Variants in XKR6 observed in about 807,000 individuals in gnomAD.
The protein encoded by XKR6 is XK related 6, also known as XK-related protein 6.
In XKR6, 22 loss-of-function variants were observed where a neutral mutation model predicts 56.7. The ratio of observed to expected loss-of-function variants is 0.39; its 90% CI spans 0.28 to 0.55. The LOEUF (loss-of-function observed/expected upper bound fraction) is 0.55. Among genes scored for constraint, XKR6 ranks in the 20% least tolerant of loss-of-function variants. XKR6 has a pLI of 0.66. For synonymous variants in XKR6, 524 were observed against 387.8 expected (o/e 1.35, Z -4.13); for missense variants, 852 against 889.0 (o/e 0.96, Z 0.53).
chr8:11,074,077 G>A (rs1333417681), intron 1 of XKR6, among the ~76,000 whole-genome samples: 3 of 152,262 alleles, frequency 2.0e-5, no homozygotes, highest in Non-Finnish European at 2.9e-5. Flanking sequence ...ACTTTCAGTT[G>A]CTGAAGGCTT....
intron 1 of XKR6, among the ~76,000 whole-genome samples, chr8:11,121,040 G>A (rs140019698): frequency 6.6e-6 from 1 of 152,138 alleles, no homozygotes; most frequent in Non-Finnish European, 1.5e-5. Context: ...ATTAATTCAA[G>A]ATGGATTAAA....
At chr8:11,150,467 G>A (rs570687497) in intron 1 of XKR6, among the ~76,000 whole-genome samples, 57 of 152,174 alleles carry the variant, frequency 3.7e-4, no homozygotes, top group South Asian at 1.2e-3. Flanking sequence ...CCTTCCCCCC[G>A]GGGTTCTGGA....
At chr8:11,166,696 C>T (rs1200795698) in intron 1 of XKR6, among the ~76,000 whole-genome samples, 1 of 152,066 alleles carries the variant, frequency 6.6e-6, no homozygotes, top group Non-Finnish European at 1.5e-5. Flanking sequence ...CCTCAGCCTC[C>T]CAAGTAGCTG....
chr8:11,100,633 C>A lies in XKR6; in HGVS notation c.764+99943G>T, dbSNP rs187547510. Among the ~76,000 whole-genome samples, 4 of 152,286 alleles carry A rather than the reference C, an allele frequency of 2.6e-5. No individual in the cohort carries two copies. In the East Asian group the frequency reaches 7.7e-4, roughly 29 times the overall value. Reference sequence around the variant, plus strand: ...AACTAAGACAGCATTCACACTTAACCCTTGTAGCAACTTCCTACACTGAGA... The same window carrying A: ...AACTAAGACAGCATTCACACTTAACACTTGTAGCAACTTCCTACACTGAGA... On this transcript the variant is annotated intron_variant, in intron 1 of 2. Transcript: ENST00000416569.
At position 11,149,705 on chromosome 8, in the gene XKR6, A is replaced by G. The variant is rs532877180; in HGVS notation, c.764+50871T>C. 4.6e-5 allele frequency among the ~76,000 whole-genome samples: 7 copies of G among 152,306 alleles called. No homozygotes were observed. The South Asian group carries it at 1.5e-3, about 32-fold the overall frequency. On this transcript the variant is annotated intron_variant, in intron 1 of 2. Transcript: ENST00000416569. ...GTATGAAGATTTCTCACAAAACCAAAAACAGAACCACTATATATGATCCAG... is the reference window on the plus strand; with the variant it reads ...GTATGAAGATTTCTCACAAAACCAAGAACAGAACCACTATATATGATCCAG...
intron 1 of XKR6, among the ~76,000 whole-genome samples, chr8:11,079,511 G>A (rs950911977): frequency 4.6e-5 from 7 of 152,154 alleles, no homozygotes; most frequent in African/African-American, 1.7e-4. Flanking sequence ...AAGATCATTT[G>A]GAAGTCTACA....
At chr8:11,122,974 C>T (rs778335205) in intron 1 of XKR6, among the ~76,000 whole-genome samples, 23 of 151,970 alleles carry the variant, frequency 1.5e-4, no homozygotes, top group East Asian at 5.8e-4. Context: ...CAGTGGCTCA[C>T]GCCTGTAATC....
intron 1 of XKR6, among the ~76,000 whole-genome samples, chr8:10,954,191 T>A (rs1223898591): frequency 6.6e-6 from 1 of 152,246 alleles, no homozygotes; most frequent in East Asian, 1.9e-4. Context: ...GTAGTGGAAC[T>A]GCTGGGTCAC....
intron 1 of XKR6, among the ~76,000 whole-genome samples, chr8:11,023,162 A>C (rs529612094): frequency 2.6e-5 from 4 of 152,314 alleles, no homozygotes; most frequent in African/African-American, 9.6e-5. Flanking sequence ...GGCAGGTGGA[A>C]AGCTGGGGAG....
chr8:10,993,246 T>C (rs1359964657), intron 1 of XKR6, among the ~76,000 whole-genome samples: 4 of 152,210 alleles, frequency 2.6e-5, no homozygotes, highest in Admixed American at 1.3e-4. Context: ...CAAGTCACAT[T>C]GAATGCCTCT....
intron 1 of XKR6, among the ~76,000 whole-genome samples, chr8:11,014,785 A>C (rs954006914): frequency 6.6e-5 from 10 of 152,088 alleles, no homozygotes; most frequent in Non-Finnish European, 1.5e-4. Context: ...CCCAAACCTC[A>C]GCATCCCGCA....
intron 1 of XKR6, among the ~76,000 whole-genome samples, chr8:11,023,831 A>G (rs1798799809): frequency 6.6e-6 from 1 of 152,150 alleles, no homozygotes; most frequent in Non-Finnish European, 1.5e-5. Context: ...GTGCCTCTCT[A>G]TGCCTGTCTT....
intron 1 of XKR6, among the ~76,000 whole-genome samples, chr8:11,061,833 G>C (rs1178473205): frequency 6.6e-6 from 1 of 152,216 alleles, no homozygotes; most frequent in Non-Finnish European, 1.5e-5. Flanking sequence ...CATCGGTGAT[G>C]GGGCGAGGAC....
In XKR6 at chr8:10,897,906, C is replaced by T. The variant is rs748797269; in HGVS notation, c.*46G>A. 1.6e-5 allele frequency: 25 copies of T among 1,517,960 alleles called. No homozygotes were observed. The highest frequency in any genetic ancestry group is 2.7e-5 in the South Asian group (2 of 74,838). The allele number at this position is 1,517,960 out of a possible 1,614,324, so 94.0% of individuals were successfully genotyped here. On this transcript the variant is annotated 3_prime_UTR_variant, in exon 3 of 3. Transcript: ENST00000416569. ...TATATTTCTTGCAAGTGCTGTTTGC[C>T]GCAAACCAAACTTAAGGTCCCCTTC...
intron 1 of XKR6, among the ~76,000 whole-genome samples, chr8:10,939,003 G>A (rs897831618): frequency 2.6e-5 from 4 of 152,154 alleles, no homozygotes; most frequent in Admixed American, 6.5e-5. Context: ...CAGTGGGGCC[G>A]CAAGAAATCC....
chr8:10,926,395 G>A (rs1800886016), intron 1 of XKR6, among the ~76,000 whole-genome samples: 1 of 152,020 alleles, frequency 6.6e-6, no homozygotes, highest in African/African-American at 2.4e-5. Context: ...CTGATGAGGG[G>A]TGCCCGGCTT....
chr8:10,994,917 C>G (rs114207263), intron 1 of XKR6, among the ~76,000 whole-genome samples: 4 of 152,034 alleles, frequency 2.6e-5, no homozygotes, highest in Non-Finnish European at 4.4e-5. Context: ...GAAGAGAAGA[C>G]GGGGATACAC....
rs781377630 is a variant in XKR6, at chr8:10,898,032, CAT to C, written c.1844_1845del (p.Tyr615CysfsTer18). 1 of 1,613,896 alleles carries C rather than the reference CAT, an allele frequency of 6.2e-7. No individual in the cohort carries two copies. The highest frequency in any genetic ancestry group is 8.5e-7 in the Non-Finnish European group (1 of 1,179,894). ...CGAATGCCTACTGCGGTGGGGGTGACATATTGTAGAATGTTAATAGTCCTTCT... is the reference window on the plus strand; with the variant it reads ...CGAATGCCTACTGCGGTGGGGGTGACATTGTAGAATGTTAATAGTCCTTCT... ...RLRRTINILQYVTPTAVGIRY... is the reference protein window; with the variant it reads ...RLRRTINILQXVTPTAVGIRY... On this transcript the variant is annotated frameshift_variant, in exon 3 of 3. Transcript: ENST00000416569. LOFTEE classifies it high-confidence loss of function. The surrounding 1 kb of genome is among the most constrained non-coding windows in gnomAD (Gnocchi z 6.6).
intron 1 of XKR6, among the ~76,000 whole-genome samples, chr8:11,185,399 G>A (rs1265118927): frequency 1.3e-5 from 2 of 152,166 alleles, no homozygotes; most frequent in Non-Finnish European, 2.9e-5. Flanking sequence ...TTAGCCTATG[G>A]GAAAACTGGT....
Sources: gnomAD v4.1 joint callset for allele counts (sites outside exome capture counted in the v4.1 genomes callset) on GRCh38, gnomAD v4.1.1 for gene constraint, Gnocchi (gnomAD v3.1) non-coding constraint, MANE v1.5 for transcripts, NCBI Gene and HGNC (gene_info 2026-07-23, HGNC 2026-07-21) for gene names.